The following SEC23B variants were observed in gnomAD, a reference collection of about 807,000 sequenced individuals.
SEC23B encodes the protein SEC23 homolog B, COPII component.
SEC23B carries 77 observed loss-of-function variants against 104.3 expected under a neutral mutation model. That is an observed-to-expected ratio of 0.74 (90% confidence interval 0.61 to 0.89). SEC23B has a LOEUF of 0.89. Ranked by LOEUF, SEC23B falls within the 40% of genes least tolerant of loss-of-function variation. SEC23B has a pLI of 0.00. For missense variants in SEC23B, 885 were observed against 949.4 expected (o/e 0.93, Z 0.89); for synonymous variants, 338 against 332.5 (o/e 1.02, Z -0.18).
intron 5 of SEC23B, 37 bp downstream of exon 5, chr20:18,524,706 C>CT (rs768541341): frequency 4.4e-5 from 68 of 1,551,236 alleles, no homozygotes; most frequent in African/African-American, 1.1e-4. Context: ...GAAACAAGGA[C>CT]TTTTTTTTAA....
chr20:18,530,125 G>A (rs1445643846), intron 9 of SEC23B, among the ~76,000 whole-genome samples: 1 of 152,192 alleles, frequency 6.6e-6, no homozygotes, highest in African/African-American at 2.4e-5. Context: ...CCAAAGAACT[G>A]TGAGAGGAAT....
chr20:18,532,935 G>A (rs1166303019), intron 11 of SEC23B, among the ~76,000 whole-genome samples, 191 bp downstream of exon 11: 1 of 152,224 alleles, frequency 6.6e-6, no homozygotes, highest in Non-Finnish European at 1.5e-5. Flanking sequence ...GGGTTAGAGA[G>A]AAGGAAACTG....
intron 13 of SEC23B, 137 bp from the exon 14 acceptor site, chr20:18,542,882 T>A: frequency 9.4e-7 from 1 of 1,063,500 alleles, no homozygotes; most frequent in Non-Finnish European, 1.5e-6. Context: ...CAAGCAGTCC[T>A]GCCACCTTGC....
At chr20:18,518,197 T>C (rs1164633391) in intron 4 of SEC23B, among the ~76,000 whole-genome samples, 5 of 152,164 alleles carry the variant, frequency 3.3e-5, no homozygotes, top group Non-Finnish European at 5.9e-5. Flanking sequence ...AACCAAGGAA[T>C]TATGTCTGAC....
chr20:18,556,098 T>C (rs1363719490), intron 19 of SEC23B, among the ~76,000 whole-genome samples: 1 of 152,058 alleles, frequency 6.6e-6, no homozygotes, highest in Non-Finnish European at 1.5e-5. Context: ...AATCTAATAC[T>C]GCTACTGATC....
chr20:18,546,777 C>G (rs1171612978), intron 15 of SEC23B, among the ~76,000 whole-genome samples: 1 of 152,148 alleles, frequency 6.6e-6, no homozygotes. Context: ...CCTGGACCGG[C>G]CAGAGTCAGG....
intron 10 of SEC23B, among the ~76,000 whole-genome samples, chr20:18,532,049 G>C (rs2060192929): frequency 6.6e-6 from 1 of 152,242 alleles, no homozygotes; most frequent in African/African-American, 2.4e-5. Flanking sequence ...AGAGTTGCCA[G>C]TTGGCGGGGC....
In SEC23B at chr20:18,542,410, GCC is replaced by G; in HGVS notation, c.1511+11_1511+12del. On this transcript the variant is annotated intron_variant, in intron 13 of 19. Transcript: ENST00000650089. Reference sequence around the variant, plus strand: ...GACCACCATCGCCCGAAAGTAAGCAGCCCCAGTTTCCTTTCTGTTGAGGAACT... The same window carrying G: ...GACCACCATCGCCCGAAAGTAAGCAGCCAGTTTCCTTTCTGTTGAGGAACT... 6.2e-7 allele frequency: 1 copy of G among 1,611,252 alleles called. No individual in the cohort carries two copies. Among genetic ancestry groups the G allele is most frequent in the Non-Finnish European group, 8.5e-7 (1 of 1,177,340 alleles).
chr20:18,542,308 A>AT lies in SEC23B; in HGVS notation c.1418dup (p.Gln475ProfsTer46). 2 of 1,614,130 alleles carry AT rather than the reference A, an allele frequency of 1.2e-6. No individual in the cohort carries two copies. The highest frequency in any genetic ancestry group is 1.7e-6 in the Non-Finnish European group (2 of 1,180,022). On this transcript the variant is annotated frameshift_variant, in exon 13 of 20. Transcript: ENST00000650089. LOFTEE classifies it high-confidence loss of function. Reference sequence around the variant, plus strand: ...TCTCATCCTACAGCACAACACCCCGATCCCCCAAGGAGGCAGAGGAGCCAT... The same window carrying AT: ...TCTCATCCTACAGCACAACACCCCGATTCCCCCAAGGAGGCAGAGGAGCCAT...
chr20:18,515,907 T>C, intron 4 of SEC23B, 171 bp downstream of exon 4: 1 of 647,040 alleles, frequency 1.5e-6, no homozygotes, highest in South Asian at 1.6e-5. Context: ...TTTCAAGTCC[T>C]GACATTATAG....
At chr20:18,513,869 C>T (rs1440860083) in intron 3 of SEC23B, among the ~76,000 whole-genome samples, 1 of 152,164 alleles carries the variant, frequency 6.6e-6, no homozygotes, top group Non-Finnish European at 1.5e-5. Context: ...GGGTTTGGCT[C>T]TCAGATCTAC....
At chr20:18,552,806 T>A (rs2060400698) in intron 17 of SEC23B, among the ~76,000 whole-genome samples, 1 of 152,092 alleles carries the variant, frequency 6.6e-6, no homozygotes, top group Non-Finnish European at 1.5e-5. Flanking sequence ...AGAGTGAGAC[T>A]CTGTCTCAAA....
chr20:18,527,527 C>G lies in SEC23B; in HGVS notation c.1025C>G (p.Ala342Gly), dbSNP rs761274385. The change falls in exon 9 of 20, where the codon GCA (alanine) becomes GGA (glycine). Residue 342 changes from alanine (A) to glycine (G), a missense_variant. By Grantham distance (60) the Ala-to-Gly change is moderately conservative. Coordinates refer to ENST00000650089, the MANE Select transcript of SEC23B (RefSeq NM_006363.6). ...GAGATGCTTGCTAATCGAACAGCTGCAAATGGTCACTGCATTGATATTTAT... is the reference window on the plus strand; with the variant it reads ...GAGATGCTTGCTAATCGAACAGCTGGAAATGGTCACTGCATTGATATTTAT... ...HYEMLANRTA[A>G]NGHCIDIYAC... The G allele has an allele frequency of 2.5e-6, 4 of 1,612,840 alleles. No individual in the cohort carries two copies. Among genetic ancestry groups the G allele is most frequent in the Non-Finnish European group, 3.4e-6 (4 of 1,178,876 alleles).
At chr20:18,517,915 TAG>T (rs1240374650) in intron 4 of SEC23B, among the ~76,000 whole-genome samples, 40 of 152,134 alleles carry the variant, frequency 2.6e-4, no homozygotes, top group Admixed American at 2.6e-3. Context: ...GACATCCAAT[TAG>T]AGAGTGTCCA....
intron 1 of SEC23B, chr20:18,508,389 G>C (rs1031963690): frequency 6.6e-6 from 1 of 152,228 alleles, no homozygotes; most frequent in African/African-American, 2.4e-5. Context: ...GCGCGATAAG[G>C]GTGGTTCAGA....
chr20:18,529,040 G>A (rs2060158803), intron 9 of SEC23B, among the ~76,000 whole-genome samples: 1 of 152,194 alleles, frequency 6.6e-6, no homozygotes, highest in African/African-American at 2.4e-5. Context: ...TCTGAACATT[G>A]CAATTTCAAG....
At position 18,554,350 on chromosome 20, in the gene SEC23B, C is replaced by T. The variant is rs11696673; in HGVS notation, c.2108C>T (p.Pro703Leu). The T allele has an allele frequency of 1.9e-5, 30 of 1,614,002 alleles. No homozygotes were observed. Among genetic ancestry groups the T allele is most frequent in the Admixed American group, 1.0e-4 (6 of 59,996 alleles). Residue 703 changes from proline to leucine, a missense_variant, in exon 18 of 20, where the codon CCG becomes CTG. Physicochemically the swap from Pro to Leu is moderately conservative, Grantham distance 98. Transcript: ENST00000650089. ...DAQEILQARF[P>L]MPRYINTEHG... ...CAAGAAATTCTGCAAGCACGCTTCC[C>T]GATGCCACGTTACATCAACACGGAG...
At chr20:18,552,461 T>A (rs891752468) in intron 17 of SEC23B, among the ~76,000 whole-genome samples, 24 of 152,166 alleles carry the variant, frequency 1.6e-4, no homozygotes, top group African/African-American at 5.1e-4. Context: ...CTCTGCAGAT[T>A]CAATCAACTG....
intron 12 of SEC23B, among the ~76,000 whole-genome samples, chr20:18,538,460 A>C (rs2060257391): frequency 6.6e-6 from 1 of 151,752 alleles, no homozygotes; most frequent in East Asian, 1.9e-4. Flanking sequence ...TCACCCTGTT[A>C]GCCAGGATGG....
Sources: allele counts gnomAD v4.1 joint callset (sites outside exome capture counted in the v4.1 genomes callset), GRCh38; gene constraint gnomAD v4.1.1; transcripts MANE v1.5; gene names NCBI Gene and HGNC (gene_info 2026-07-23, HGNC 2026-07-21).